The following ARHGEF3 variants were observed in gnomAD, a reference collection of about 807,000 sequenced individuals.
The protein encoded by ARHGEF3 is Rho guanine nucleotide exchange factor 3, also known as 59.8 kDA protein.
ARHGEF3 carries 28 observed loss-of-function variants against 63.2 expected under a neutral mutation model. The ratio of observed to expected loss-of-function variants is 0.44; its 90% CI spans 0.33 to 0.61. ARHGEF3 has a LOEUF of 0.61. Ranked by LOEUF, ARHGEF3 falls within the 20% of genes least tolerant of loss-of-function variation. ARHGEF3 has a pLI of 0.03. For missense variants in ARHGEF3, 533 were observed against 659.3 expected (o/e 0.81, Z 2.10); for synonymous variants, 266 against 254.2 (o/e 1.05, Z -0.44).
chr3:57,005,144 C>T (rs1702420489), intron 2 of ARHGEF3, among the ~76,000 whole-genome samples: 1 of 152,058 alleles, frequency 6.6e-6, no homozygotes, highest in Admixed American at 6.6e-5. Flanking sequence ...TAGGCACCTC[C>T]TAGGTGAACA....
chr3:56,950,168 T>C (rs1476323908), intron 3 of ARHGEF3, among the ~76,000 whole-genome samples: 12 of 151,930 alleles, frequency 7.9e-5, no homozygotes, highest in Admixed American at 7.2e-4. Context: ...GACCTAAAAC[T>C]ATAAAAACCC....
intron 2 of ARHGEF3, among the ~76,000 whole-genome samples, chr3:57,018,726 C>T (rs1030997873): frequency 1.3e-5 from 2 of 152,188 alleles, no homozygotes; most frequent in African/African-American, 2.4e-5. Flanking sequence ...CCTGGCTTTT[C>T]CCATTTAAAG....
In ARHGEF3 at chr3:56,867,029, T is replaced by C. The variant is rs532490920; in HGVS notation, c.192+15263A>G. ...TAGCTCATAAAAGCCTGGTATTATT[T>C]TTACCTATCTTGCTTTGTATATCAC... On this transcript the variant is annotated intron_variant, in intron 4 of 12. Transcript: ENST00000338458. Among the ~76,000 whole-genome samples, 371 of 152,370 alleles carry C rather than the reference T, an allele frequency of 2.4e-3. 2 individuals carry two copies. Among genetic ancestry groups the C allele is most frequent in the African/African-American group, 8.6e-3 (357 of 41,592 alleles).
intron 1 of ARHGEF3, among the ~76,000 whole-genome samples, chr3:57,076,418 C>T (rs993763087): frequency 5.3e-5 from 8 of 152,118 alleles, no homozygotes; most frequent in South Asian, 2.1e-4. Flanking sequence ...AGTCAGAACA[C>T]GAAGCAGACC....
intron 2 of ARHGEF3, among the ~76,000 whole-genome samples, chr3:56,970,531 A>T (rs1274274140): frequency 6.6e-6 from 1 of 152,036 alleles, no homozygotes; most frequent in Non-Finnish European, 1.5e-5. Context: ...CGATGATAAG[A>T]ACTCCCACAC....
At chr3:56,752,172 C>T (rs995364886) in intron 4 of ARHGEF3, among the ~76,000 whole-genome samples, 8 of 151,870 alleles carry the variant, frequency 5.3e-5, no homozygotes, top group East Asian at 3.9e-4. Flanking sequence ...CTGCCCGCCT[C>T]GGCCTCCCAA....
intron 1 of ARHGEF3, among the ~76,000 whole-genome samples, chr3:57,056,064 G>T (rs1251453712): frequency 6.6e-6 from 1 of 152,112 alleles, no homozygotes; most frequent in Non-Finnish European, 1.5e-5. Context: ...CTGTCACCAT[G>T]CTCACAGCCT....
chr3:56,999,344 C>A (rs992952568), intron 2 of ARHGEF3, among the ~76,000 whole-genome samples: 8 of 152,294 alleles, frequency 5.3e-5, no homozygotes, highest in African/African-American at 1.9e-4. Flanking sequence ...AGCCACCACA[C>A]CCGGATGAGC....
At chr3:56,873,051 T>C (rs2040480061) in intron 4 of ARHGEF3, among the ~76,000 whole-genome samples, 1 of 152,088 alleles carries the variant, frequency 6.6e-6, no homozygotes, top group Admixed American at 6.6e-5. Context: ...TAGGCTGGAG[T>C]GCAGTGGCAT....
At position 57,069,057 on chromosome 3, in the gene ARHGEF3, G is replaced by T. The variant is rs115100007; in HGVS notation, c.-28+10169C>A. Among the ~76,000 whole-genome samples the T allele has an allele frequency of 6.3e-3, 958 of 151,808 alleles. 9 individuals carry two copies. The highest frequency in any genetic ancestry group is 0.021 in the African/African-American group (887 of 41,366). The stretch of plus-strand genomic sequence containing the variant: ...TGCCTCAGCCTCTCTCTAGTAACTG[G>T]GATTACAGGCACTCACCACCACGTC... On this transcript the variant is annotated intron_variant, in intron 1 of 12. Coordinates refer to the ARHGEF3 transcript ENST00000338458.
chr3:56,987,449 G>A (rs1297797627), intron 2 of ARHGEF3, among the ~76,000 whole-genome samples: 1 of 152,186 alleles, frequency 6.6e-6, no homozygotes. Flanking sequence ...AGGAGTAGGA[G>A]GGAAGTGTTT....
chr3:56,743,167 G>A lies in ARHGEF3; in HGVS notation c.870+2038C>T, dbSNP rs1014114849. Among the ~76,000 whole-genome samples, 5 of 152,196 alleles carry A rather than the reference G, an allele frequency of 3.3e-5. No individual in the cohort carries two copies. In the East Asian group the frequency reaches 5.8e-4, roughly 18 times the overall value. ...GATGGGCCTCAACCCCAGCGACTGCGTCCCCCATCTGTGCTGGACTGGGGG... is the reference window on the plus strand; with the variant it reads ...GATGGGCCTCAACCCCAGCGACTGCATCCCCCATCTGTGCTGGACTGGGGG... On this transcript the variant is annotated intron_variant, in intron 7 of 9. Transcript: ENST00000296315.
chr3:56,837,232 A>G (rs1260764084), intron 4 of ARHGEF3, among the ~76,000 whole-genome samples: 4 of 152,192 alleles, frequency 2.6e-5, no homozygotes, highest in Admixed American at 6.5e-5. Context: ...GAGTCTAAAT[A>G]AAAGAGACTT....
intron 3 of ARHGEF3, among the ~76,000 whole-genome samples, chr3:56,923,684 G>A (rs774782065): frequency 6.6e-6 from 1 of 152,034 alleles, no homozygotes; most frequent in Non-Finnish European, 1.5e-5. Flanking sequence ...AAGAAACCAA[G>A]AGATTTAAAA....
Position 56,855,134 on chromosome 3 carries a change from C to G in ARHGEF3, c.192+27158G>C, listed in dbSNP as rs372787111. Among the ~76,000 whole-genome samples the G allele has an allele frequency of 6.9e-4, 105 of 151,800 alleles. 3 individuals carry two copies. In the South Asian group the frequency reaches 0.019, roughly 28 times the overall value. ...AGGAGGGGAAAAGGAGGAATCCAGG[C>G]TGAGGTGGGTGGAGAGGAGGGAGAG... On this transcript the variant is annotated intron_variant, in intron 4 of 12. Transcript: ENST00000338458.
At chr3:56,933,623 T>C (rs1219172451) in intron 3 of ARHGEF3, among the ~76,000 whole-genome samples, 3 of 152,162 alleles carry the variant, frequency 2.0e-5, no homozygotes, top group African/African-American at 7.2e-5. Flanking sequence ...TTTCACGATG[T>C]TACCCAGGCT....
At chr3:57,054,331 T>A (rs1704808705) in intron 1 of ARHGEF3, among the ~76,000 whole-genome samples, 1 of 152,012 alleles carries the variant, frequency 6.6e-6, no homozygotes, top group African/African-American at 2.4e-5. Flanking sequence ...CTTTTATCCT[T>A]TTAAAATTGG....
At chr3:56,808,625 T>C (rs1343709337) in intron 4 of ARHGEF3, among the ~76,000 whole-genome samples, 1 of 149,188 alleles carries the variant, frequency 6.7e-6, no homozygotes, top group Non-Finnish European at 1.5e-5. Context: ...AATAAAAAAT[T>C]AGCTATGAAA....
At chr3:56,934,892 C>T (rs572108275) in intron 3 of ARHGEF3, among the ~76,000 whole-genome samples, 4 of 152,374 alleles carry the variant, frequency 2.6e-5, no homozygotes, top group East Asian at 1.9e-4. Context: ...CCTGCAGCCC[C>T]GCTGCGGGAT....
Sources: gnomAD v4.1 joint callset for allele counts (sites outside exome capture counted in the v4.1 genomes callset) on GRCh38, gnomAD v4.1.1 for gene constraint, MANE v1.5 for transcripts, NCBI Gene and HGNC (gene_info 2026-07-23, HGNC 2026-07-21) for gene names.